The following LRP1B variants were observed in gnomAD, a reference collection of about 807,000 sequenced individuals.
The protein encoded by LRP1B is low-density lipoprotein receptor-related protein 1B.
A neutral mutation model predicts 556.6 loss-of-function variants in LRP1B; 217 were observed. The observed-to-expected ratio is 0.39, with a 90% CI of 0.35 to 0.44. LRP1B has a LOEUF of 0.44. Among genes scored for constraint, LRP1B ranks in the 20% least tolerant of loss-of-function variants. The probability of loss-of-function intolerance (pLI) is 1.00; values close to 1 mark genes in which losing one functional copy is unlikely to be tolerated. For missense variants in LRP1B, 5,053 were observed against 5,620.8 expected (o/e 0.90, Z 3.23); for synonymous variants, 2,047 against 1,865.8 (o/e 1.10, Z -2.50).
intron 2 of LRP1B, among the ~76,000 whole-genome samples, chr2:141,612,582 G>A (rs1688142482): frequency 6.6e-6 from 1 of 152,110 alleles, no homozygotes; most frequent in Non-Finnish European, 1.5e-5. Flanking sequence ...AGAGACACCT[G>A]GACTAATTTG....
chr2:141,011,024 A>G (rs142019793), intron 14 of LRP1B, among the ~76,000 whole-genome samples: 2,092 of 148,434 alleles, frequency 0.014, 73 homozygotes, highest in East Asian at 0.12. Flanking sequence ...ATAAATAAAT[A>G]TAGTTTTTAT....
chr2:140,606,525 T>C (rs988229003), intron 41 of LRP1B, among the ~76,000 whole-genome samples: 1 of 151,830 alleles, frequency 6.6e-6, no homozygotes, highest in Non-Finnish European at 1.5e-5. Flanking sequence ...AAAATGCATA[T>C]GGAAATACAA....
chr2:140,843,733 T>A (rs1347248353), intron 29 of LRP1B, among the ~76,000 whole-genome samples: 1 of 152,134 alleles, frequency 6.6e-6, no homozygotes, highest in Non-Finnish European at 1.5e-5. Flanking sequence ...CTCTTGTGTA[T>A]CTCAGCTGGA....
chr2:140,323,818 TAA>T, intron 81 of LRP1B, 73 bp downstream of exon 81: 1 of 764,488 alleles, frequency 1.3e-6, no homozygotes, highest in African/African-American at 1.8e-5. Context: ...TTAAGATATT[TAA>T]AAATATATTA....
At position 140,923,232 on chromosome 2, in the gene LRP1B, C is replaced by T. The variant is rs1271507338; in HGVS notation, c.3137-85G>A. On this transcript the variant is annotated intron_variant, in intron 20 of 90. Coordinates refer to ENST00000389484, the MANE Select transcript of LRP1B (RefSeq NM_018557.3). ...TTTTACTTGTTGGTAGTTTTTATTT[C>T]ACATTTTTTTCTTTCTTCAGGCATT... 5.5e-6 allele frequency: 6 copies of T among 1,082,408 alleles called. No homozygotes were observed. In the South Asian group the frequency reaches 6.4e-5, roughly 12 times the overall value. 67.1% of individuals were successfully genotyped at this position (1,082,408 alleles called of 1,614,324 possible). A position where few individuals can be genotyped will look rare whatever the true frequency, so the allele number is the denominator to read the frequency against.
intron 2 of LRP1B, among the ~76,000 whole-genome samples, chr2:141,498,845 G>A (rs112205038): frequency 4.6e-5 from 7 of 152,132 alleles, no homozygotes; most frequent in African/African-American, 1.7e-4. Context: ...TATTGTATGT[G>A]TTTCTGTTGT....
chr2:140,292,717 T>C (rs1532001), intron 84 of LRP1B, among the ~76,000 whole-genome samples: 56,677 of 151,966 alleles, frequency 0.37, 11,647 homozygotes, highest in African/African-American at 0.54. Flanking sequence ...TTATTGAGAA[T>C]AGAAAATGTT....
intron 84 of LRP1B, among the ~76,000 whole-genome samples, chr2:140,287,710 C>A (rs1683205046): frequency 6.7e-6 from 1 of 150,200 alleles, no homozygotes; most frequent in African/African-American, 2.4e-5. Flanking sequence ...CTATTACAGA[C>A]TAAGTGGCTT....
intron 7 of LRP1B, among the ~76,000 whole-genome samples, chr2:141,093,089 G>A (rs1037971123): frequency 1.3e-5 from 2 of 151,534 alleles, no homozygotes; most frequent in Admixed American, 6.6e-5. Flanking sequence ...ATTATGGCAC[G>A]ATAGTCATCT....
chr2:141,164,175 C>G (rs903342193), intron 7 of LRP1B, among the ~76,000 whole-genome samples: 3 of 151,802 alleles, frequency 2.0e-5, no homozygotes, highest in African/African-American at 7.3e-5. Context: ...CAAAATCTTT[C>G]AAAGAAATTA....
chr2:141,814,205 T>C (rs1696455224), intron 1 of LRP1B, among the ~76,000 whole-genome samples: 2 of 152,176 alleles, frequency 1.3e-5, no homozygotes, highest in Non-Finnish European at 2.9e-5. Context: ...GAGAGAAATG[T>C]GCCCAGAAAA....
intron 35 of LRP1B, among the ~76,000 whole-genome samples, chr2:140,729,941 C>T (rs978219690): frequency 7.2e-5 from 11 of 152,054 alleles, no homozygotes; most frequent in African/African-American, 2.4e-4. Flanking sequence ...CAGAGCTGCC[C>T]TCAATCTTCT....
At chr2:141,762,400 C>T (rs1030661382) in intron 2 of LRP1B, among the ~76,000 whole-genome samples, 1 of 151,960 alleles carries the variant, frequency 6.6e-6, no homozygotes, top group Non-Finnish European at 1.5e-5. Context: ...TAGAGTTCTG[C>T]AGATACTTCC....
intron 35 of LRP1B, among the ~76,000 whole-genome samples, chr2:140,739,278 G>C (rs1688055353): frequency 6.6e-6 from 1 of 151,956 alleles, no homozygotes; most frequent in Non-Finnish European, 1.5e-5. Flanking sequence ...TTGCAAAGCA[G>C]GAATGTCAGA....
intron 1 of LRP1B, among the ~76,000 whole-genome samples, chr2:141,955,985 C>T (rs1184408942): frequency 1.3e-5 from 2 of 151,992 alleles, no homozygotes; most frequent in African/African-American, 2.4e-5. Flanking sequence ...AAGAGGATCC[C>T]TTGAGGCCAG....
At chr2:141,963,228 A>G (rs998315515) in intron 1 of LRP1B, among the ~76,000 whole-genome samples, 2 of 151,940 alleles carry the variant, frequency 1.3e-5, no homozygotes, top group African/African-American at 4.8e-5. Flanking sequence ...TACTATGGAT[A>G]ACAAGAGTAT....
intron 1 of LRP1B, among the ~76,000 whole-genome samples, chr2:141,882,941 A>G (rs917972084): frequency 6.6e-6 from 1 of 152,150 alleles, no homozygotes; most frequent in Non-Finnish European, 1.5e-5. Flanking sequence ...AAGGTGGCAA[A>G]CGTATGTTGG....
intron 2 of LRP1B, among the ~76,000 whole-genome samples, chr2:141,607,966 T>G (rs936133556): frequency 2.6e-5 from 4 of 152,132 alleles, no homozygotes; most frequent in African/African-American, 7.2e-5. Flanking sequence ...GGCTCATACC[T>G]GTAATTCCAG....
At chr2:140,731,764 CAAAAAA>C (rs36060787) in intron 35 of LRP1B, among the ~76,000 whole-genome samples, 1 of 59,388 alleles carries the variant, frequency 1.7e-5, no homozygotes, top group African/African-American at 5.9e-5. Context: ...GAGACTCCGT[CAAAAAA>C]AAAAAAAAAA....
Sources: allele counts gnomAD v4.1 joint callset (sites outside exome capture counted in the v4.1 genomes callset), GRCh38; gene constraint gnomAD v4.1.1; transcripts MANE v1.5; gene names NCBI Gene and HGNC (gene_info 2026-07-23, HGNC 2026-07-21).